The following RSPO2 variants were observed in gnomAD, a reference collection of about 807,000 sequenced individuals.
RSPO2 encodes R-spondin 2, also known as R-spondin-2.
RSPO2 carries 14 observed loss-of-function variants against 30.9 expected under a neutral mutation model. The ratio of observed to expected loss-of-function variants is 0.45; its 90% confidence interval spans 0.30 to 0.71. RSPO2 has a LOEUF of 0.71. Ranked by LOEUF, RSPO2 falls within the 30% of genes least tolerant of loss-of-function variation. The pLI is 0.08. For missense variants in RSPO2, 264 were observed against 301.9 expected, an observed-to-expected ratio of 0.87 and a Z score of 0.93; for synonymous variants, 107 against 96.4, an observed-to-expected ratio of 1.11 and a Z score of -0.64.
chr8:108,072,411 C>G (rs189235957), intron 2 of RSPO2, among the ~76,000 whole-genome samples: 3,933 of 147,724 alleles, frequency 0.027, 167 homozygotes, highest in African/African-American at 0.092. Context: ...CTGCAAACTC[C>G]GCCTCCCGGG....
chr8:107,948,105 T>A (rs576381121), intron 5 of RSPO2, among the ~76,000 whole-genome samples: 1 of 152,358 alleles, frequency 6.6e-6, no homozygotes, highest in Non-Finnish European at 1.5e-5. Flanking sequence ...TGTAACAATG[T>A]CATCTTTACC....
chr8:107,993,655 C>T (rs1814923768), intron 2 of RSPO2, among the ~76,000 whole-genome samples: 2 of 152,086 alleles, frequency 1.3e-5, no homozygotes, highest in East Asian at 3.9e-4. Flanking sequence ...TAACAAATGA[C>T]CACAATTTGG....
chr8:107,918,878 A>G (rs1156765137), intron 5 of RSPO2, among the ~76,000 whole-genome samples: 1 of 152,180 alleles, frequency 6.6e-6, no homozygotes, highest in Non-Finnish European at 1.5e-5. Context: ...AAGAAAAACT[A>G]TAGTATATCT....
At chr8:108,070,595 TC>T in intron 2 of RSPO2, among the ~76,000 whole-genome samples, 1 of 152,320 alleles carries the variant, frequency 6.6e-6, no homozygotes, top group Non-Finnish European at 1.5e-5. Flanking sequence ...TAGTGTCCTC[TC>T]TTCAGGAAGG....
In RSPO2 at chr8:108,023,715, TA is replaced by T. The variant is rs1445096523; in HGVS notation, c.95-34472del. 2.6e-5 allele frequency among the ~76,000 whole-genome samples: 4 copies of T among 152,108 alleles called. No individual in the cohort carries two copies. The East Asian group carries it at 7.7e-4, about 29-fold the overall frequency. Reference sequence around the variant, plus strand: ...CTCTGTTATGGCCACAGGTAATAGATATTAGACAAACAAGTGTTTGGGAAAT... The same window carrying T: ...CTCTGTTATGGCCACAGGTAATAGATTTAGACAAACAAGTGTTTGGGAAAT... On this transcript the variant is annotated intron_variant, in intron 2 of 5. Transcript: ENST00000276659.
rs141636178 is a variant in RSPO2, at chr8:107,935,920, C to T, written c.616+22160G>A. Among the ~76,000 whole-genome samples, 4 of 152,162 alleles carry T rather than the reference C, an allele frequency of 2.6e-5. No individual in the cohort carries two copies. In the East Asian group the frequency reaches 7.7e-4, roughly 29 times the overall value. ...ATCAATTCAGGGTATTTGGGGTATC[C>T]AACAACTTGAGTATTTATCATTTCT... is the stretch of plus-strand genomic sequence containing the variant. On this transcript the variant is annotated intron_variant, in intron 5 of 5. Coordinates refer to ENST00000276659, the MANE Select transcript of RSPO2 (RefSeq NM_178565.5).
chr8:108,024,412 T>G (rs1811140493), intron 2 of RSPO2, among the ~76,000 whole-genome samples: 1 of 151,830 alleles, frequency 6.6e-6, no homozygotes, highest in African/African-American at 2.4e-5. Context: ...GATATGGAGT[T>G]ATTTCCAACA....
chr8:107,989,632 C>T (rs191533904), intron 2 of RSPO2: 1 of 161,254 alleles, frequency 6.2e-6, no homozygotes, highest in Non-Finnish European at 1.3e-5. Flanking sequence ...GACCCCCTGC[C>T]CTAACTGGCT....
chr8:108,033,155 CCACT>C (rs147647172), intron 2 of RSPO2, among the ~76,000 whole-genome samples: 4,428 of 151,990 alleles, frequency 0.029, 203 homozygotes, highest in African/African-American at 0.1. Context: ...CCCACCTCAG[CCACT>C]CAAAGTGTGG....
At chr8:107,976,012 T>C (rs1043680122) in intron 3 of RSPO2, among the ~76,000 whole-genome samples, 1 of 152,234 alleles carries the variant, frequency 6.6e-6, no homozygotes, top group Admixed American at 6.5e-5. Context: ...GTAAAGCCAC[T>C]TCAGGGCAAT....
intron 2 of RSPO2, among the ~76,000 whole-genome samples, chr8:107,991,193 A>G (rs111534412): frequency 0.086 from 13,015 of 151,720 alleles, 1,230 homozygotes; most frequent in African/African-American, 0.23. Flanking sequence ...GTTGTGGTGA[A>G]CCAAGATTGT....
chr8:107,973,532 T>A (rs7005369), intron 3 of RSPO2, among the ~76,000 whole-genome samples: 35 of 149,644 alleles, frequency 2.3e-4, no homozygotes, highest in Admixed American at 4.0e-4. Context: ...AGACACACAC[T>A]CACACACACA....
At chr8:108,014,794 T>C (rs939904109) in intron 2 of RSPO2, among the ~76,000 whole-genome samples, 15 of 150,192 alleles carry the variant, frequency 1.0e-4, no homozygotes, top group Admixed American at 7.3e-4. Flanking sequence ...TGTATACCTA[T>C]GTAACAAACC....
chr8:107,899,942 G>GCTC lies in RSPO2; in HGVS notation c.*1130_*1132dup, dbSNP rs2130230053. The GCTC allele has an allele frequency of 6.6e-6, 1 of 152,280 alleles. No homozygotes were observed. Among genetic ancestry groups the GCTC allele is most frequent in the Non-Finnish European group, 1.5e-5 (1 of 68,024 alleles). 9.4% of individuals were successfully genotyped at this position (152,280 alleles called of 1,614,324 possible). ...TTATCTCCTAAAATTCTATGCCCAGGCTCATGGTAGTAGCTTCTTCAGTGA... is the reference window on the plus strand; with the variant it reads ...TTATCTCCTAAAATTCTATGCCCAGGCTCCTCATGGTAGTAGCTTCTTCAGTGA... On this transcript the variant is annotated 3_prime_UTR_variant, in exon 6 of 6. Coordinates refer to ENST00000276659, the MANE Select transcript of RSPO2 (RefSeq NM_178565.5).
At chr8:107,964,721 T>C (rs983429776) in intron 3 of RSPO2, among the ~76,000 whole-genome samples, 1 of 152,158 alleles carries the variant, frequency 6.6e-6, no homozygotes, top group African/African-American at 2.4e-5. Context: ...GGAACTCCTG[T>C]GCAGTCTCAT....
At chr8:107,977,253 A>G (rs1814248681) in intron 3 of RSPO2, among the ~76,000 whole-genome samples, 1 of 152,230 alleles carries the variant, frequency 6.6e-6, no homozygotes, top group Non-Finnish European at 1.5e-5. Flanking sequence ...ATAACTAGTG[A>G]CATAATTATT....
chr8:107,965,571 A>G (rs1312892683), intron 3 of RSPO2, among the ~76,000 whole-genome samples: 1 of 151,970 alleles, frequency 6.6e-6, no homozygotes, highest in African/African-American at 2.4e-5. Context: ...ATGTAACAGG[A>G]GATATTAGAG....
chr8:108,011,164 GA>G (rs33960035), intron 2 of RSPO2, among the ~76,000 whole-genome samples: 9 of 111,696 alleles, frequency 8.1e-5, no homozygotes, highest in African/African-American at 3.0e-4. Context: ...AAGAAAGAAA[GA>G]AAAGAAAAAG....
chr8:107,902,904 A>G (rs562692473), intron 5 of RSPO2, among the ~76,000 whole-genome samples: 90 of 152,252 alleles, frequency 5.9e-4, no homozygotes, highest in African/African-American at 2.0e-3. Flanking sequence ...AAATTCTGGC[A>G]TTAATGTTAT....
Sources: gnomAD v4.1 joint callset for allele counts (sites outside exome capture counted in the v4.1 genomes callset) on GRCh38, gnomAD v4.1.1 for gene constraint, MANE v1.5 for transcripts, NCBI Gene and HGNC (gene_info 2026-07-23, HGNC 2026-07-21) for gene names.